Variants in SYNJ2 observed in about 807,000 individuals in gnomAD.
SYNJ2 encodes the protein polyphosphatidylinositol phosphatase SYNJ2.
SYNJ2 carries 116 observed loss-of-function variants against 141.3 expected under a neutral mutation model. The observed-to-expected ratio is 0.82, with a 90% CI of 0.71 to 0.96. The LOEUF (loss-of-function observed/expected upper bound fraction) is 0.96. Ranked by LOEUF, SYNJ2 falls within the 40% of genes least tolerant of loss-of-function variation. SYNJ2 has a pLI of 0.00. For missense variants in SYNJ2, 1,873 were observed against 1,934.8 expected (o/e 0.97, Z 0.60); for synonymous variants, 745 against 777.7 (o/e 0.96, Z 0.70).
At chr6:158,032,306 G>A (rs1016588963) in intron 3 of SYNJ2, among the ~76,000 whole-genome samples, 1 of 152,258 alleles carries the variant, frequency 6.6e-6, no homozygotes, top group Non-Finnish European at 1.5e-5. Flanking sequence ...CCAGCAATGA[G>A]AAAATGCTGC....
At chr6:158,026,603 T>A (rs1779061293) in intron 2 of SYNJ2, among the ~76,000 whole-genome samples, 1 of 151,974 alleles carries the variant, frequency 6.6e-6, no homozygotes, top group African/African-American at 2.4e-5. Context: ...CTCCCCAGCC[T>A]CCCCCAGGCC....
At chr6:158,060,730 T>G (rs1382621715) in intron 7 of SYNJ2, among the ~76,000 whole-genome samples, 1 of 152,212 alleles carries the variant, frequency 6.6e-6, no homozygotes, top group Non-Finnish European at 1.5e-5. Context: ...AAAATAAGAA[T>G]AATAATAAGA....
At chr6:158,020,352 C>T (rs1383012158) in intron 2 of SYNJ2, among the ~76,000 whole-genome samples, 1 of 150,552 alleles carries the variant, frequency 6.6e-6, no homozygotes, top group Non-Finnish European at 1.5e-5. Flanking sequence ...CTGACTCCAA[C>T]TGTGTGACTA....
At chr6:158,077,650 T>TAAAAAAA (rs56028079) in intron 17 of SYNJ2, 14 of 128,214 alleles carry the variant, frequency 1.1e-4, no homozygotes, top group East Asian at 4.9e-4. Flanking sequence ...AACTAGTACA[T>TAAAAAAA]AAAAAAAAAA....
chr6:157,990,951 C>T lies in SYNJ2; in HGVS notation c.127+8863C>T, dbSNP rs532680651. ...GTGGGTAAAACTGAGGCTTACAAGA[C>T]ACCTTGGGCAATGGGACAGCCAGAC... On this transcript the variant is annotated intron_variant, in intron 1 of 26. Coordinates refer to ENST00000355585, the MANE Select transcript of SYNJ2 (RefSeq NM_003898.4). Among the ~76,000 whole-genome samples, 5 of 107,462 alleles carry T rather than the reference C, an allele frequency of 4.7e-5. No individual in the cohort carries two copies. The East Asian group carries it at 1.2e-3, about 26-fold the overall frequency. The allele number at this position is 107,462 out of a possible 152,430, so 70.5% of individuals were successfully genotyped here. A position where few individuals can be genotyped will look rare whatever the true frequency, so the allele number is the denominator to read the frequency against.
chr6:158,070,649 C>A lies in SYNJ2; in HGVS notation c.1941-953C>A. 1 of 305,978 alleles carries A rather than the reference C, an allele frequency of 3.3e-6. No homozygotes were observed. The allele number at this position is 305,978 out of a possible 1,614,324, so 19.0% of individuals were successfully genotyped here. ...TTTAGCCCTGAGCTGCTTCCGCCTA[C>A]ACCCCTTCCATCAGTCATCCCCCCA... On this transcript the variant is annotated intron_variant, in intron 14 of 26. Transcript: ENST00000355585. This position sits in a 1 kb window ranked among gnomAD's most constrained non-coding sequence, Gnocchi z 4.0.
chr6:158,072,335 C>T (rs1235971945), intron 15 of SYNJ2, among the ~76,000 whole-genome samples: 1 of 152,238 alleles, frequency 6.6e-6, no homozygotes, highest in Non-Finnish European at 1.5e-5. Context: ...GCACACTGCC[C>T]TCTCGTGGCG....
chr6:158,094,375 A>G (rs1269498896), intron 26 of SYNJ2, among the ~76,000 whole-genome samples: 1 of 145,968 alleles, frequency 6.9e-6, no homozygotes, highest in African/African-American at 2.6e-5. Flanking sequence ...CAGAACACAT[A>G]CATTAGCCTA....
At chr6:158,002,732 G>T (rs1199859631) in intron 1 of SYNJ2, among the ~76,000 whole-genome samples, 1 of 152,160 alleles carries the variant, frequency 6.6e-6, no homozygotes, top group Non-Finnish European at 1.5e-5. Flanking sequence ...TTCCCTGTTG[G>T]GTAGGAGGGT....
At chr6:158,003,393 G>C (rs1392408539) in intron 1 of SYNJ2, among the ~76,000 whole-genome samples, 1 of 152,188 alleles carries the variant, frequency 6.6e-6, no homozygotes, top group African/African-American at 2.4e-5. Context: ...GAAAACCACT[G>C]TCTTTCTGAA....
intron 4 of SYNJ2, among the ~76,000 whole-genome samples, chr6:158,038,967 G>A (rs1779788029): frequency 6.6e-6 from 1 of 152,230 alleles, no homozygotes. Flanking sequence ...CATGGGACCA[G>A]GGCATGGGCC....
chr6:158,010,078 G>A (rs1313837504), intron 1 of SYNJ2, among the ~76,000 whole-genome samples: 2 of 152,168 alleles, frequency 1.3e-5, no homozygotes, highest in Admixed American at 1.3e-4. Context: ...CACCATGCCT[G>A]GTTACTTTTT....
chr6:158,017,609 T>G (rs1583323527), intron 2 of SYNJ2: 1 of 389,850 alleles, frequency 2.6e-6, no homozygotes, highest in East Asian at 6.7e-5. Context: ...AGAGACGGGG[T>G]TTTTCCATGT....
chr6:158,037,136 C>T (rs188829269), intron 4 of SYNJ2, among the ~76,000 whole-genome samples: 12 of 152,216 alleles, frequency 7.9e-5, no homozygotes, highest in African/African-American at 1.9e-4. Flanking sequence ...ACTGGGTGGC[C>T]GAAAACAACA....
chr6:157,993,231 G>T (rs1188556469), intron 1 of SYNJ2, among the ~76,000 whole-genome samples: 1 of 152,140 alleles, frequency 6.6e-6, no homozygotes, highest in Non-Finnish European at 1.5e-5. Context: ...ATTGTAATTG[G>T]GGTAAGATGA....
Position 158,059,487 on chromosome 6 carries a change from G to A in SYNJ2, c.954+134G>A, listed in dbSNP as rs555423839. 7 of 1,475,652 alleles carry A rather than the reference G, an allele frequency of 4.7e-6. No individual in the cohort carries two copies. In the East Asian group the frequency reaches 1.8e-4, roughly 37 times the overall value. The allele number at this position is 1,475,652 out of a possible 1,614,324, so 91.4% of individuals were successfully genotyped here. Reference sequence around the variant, plus strand: ...TCCTTCGTTTCCTGAGGCTTCCCCAGCATTCCGACCAGTGAACACGGCAGT... The same window carrying A: ...TCCTTCGTTTCCTGAGGCTTCCCCAACATTCCGACCAGTGAACACGGCAGT... On this transcript the variant is annotated intron_variant, in intron 7 of 26. Transcript: ENST00000355585.
In SYNJ2 at chr6:158,088,034, ATTTTTTTTTTTTTTTTTTT is replaced by A. The variant is rs568222551; in HGVS notation, c.3344-600_3344-582del. On this transcript the variant is annotated intron_variant, in intron 23 of 26. Transcript: ENST00000355585. ...TAACAGTTTATTCCCCTGCTTTGGA[ATTTTTTTTTTTTTTTTTTT>A]TTTTTTTTTTTTTTTTTTTTTTTTT... Among the ~76,000 whole-genome samples, 24 of 31,918 alleles carry A rather than the reference ATTTTTTTTTTTTTTTTTTT, an allele frequency of 7.5e-4. 1 individual carries two copies. The highest frequency in any genetic ancestry group is 1.5e-3 in the South Asian group (1 of 674). 20.9% of individuals were successfully genotyped at this position (31,918 alleles called of 152,430 possible). A position where few individuals can be genotyped will look rare whatever the true frequency, so the allele number is the denominator to read the frequency against.
intron 4 of SYNJ2, among the ~76,000 whole-genome samples, chr6:158,035,129 T>C (rs1398096152): frequency 6.6e-6 from 1 of 152,226 alleles, no homozygotes; most frequent in Non-Finnish European, 1.5e-5. Context: ...CCTCCAGCTT[T>C]GTTCTTTTTG....
intron 3 of SYNJ2, among the ~76,000 whole-genome samples, chr6:158,029,698 C>T (rs1779262768): frequency 6.6e-6 from 1 of 152,174 alleles, no homozygotes; most frequent in South Asian, 2.1e-4. Context: ...TCAGTCTTCT[C>T]AATCATGGTT....
Sources: allele counts gnomAD v4.1 joint callset (sites outside exome capture counted in the v4.1 genomes callset), GRCh38; gene constraint gnomAD v4.1.1; non-coding constraint Gnocchi (gnomAD v3.1); transcripts MANE v1.5; gene names NCBI Gene and HGNC (gene_info 2026-07-23, HGNC 2026-07-21).